The following RNF38 variants were observed in gnomAD, a reference collection of about 807,000 sequenced individuals.
RNF38 encodes E3 ubiquitin-protein ligase RNF38.
In RNF38, 15 loss-of-function variants were observed where a neutral mutation model predicts 67.2. The observed-to-expected ratio is 0.22, with a 90% CI of 0.15 to 0.34. The LOEUF (loss-of-function observed/expected upper bound fraction) is 0.34. RNF38 is among the 10% of genes least tolerant of loss of function. RNF38 has a pLI of 1.00. For missense variants in RNF38, 524 were observed against 639.9 expected (o/e 0.82, Z 1.95); for synonymous variants, 220 against 218.8 (o/e 1.01, Z -0.05).
At chr9:36,411,784 G>A (rs1838332486) in intron 2 of RNF38, among the ~76,000 whole-genome samples, 1 of 151,840 alleles carries the variant, frequency 6.6e-6, no homozygotes, top group African/African-American at 2.4e-5. Context: ...TGGCCAGGCT[G>A]GTTTCAAACT....
intron 2 of RNF38, among the ~76,000 whole-genome samples, chr9:36,383,432 C>T (rs1356193797): frequency 2.0e-5 from 3 of 152,090 alleles, no homozygotes; most frequent in East Asian, 1.9e-4. Context: ...CCTCATGATC[C>T]GCCCACTTCA....
intron 3 of RNF38, among the ~76,000 whole-genome samples, chr9:36,370,322 G>C (rs773802827): frequency 6.6e-6 from 1 of 152,068 alleles, no homozygotes; most frequent in African/African-American, 2.4e-5. Context: ...CCTTGTCAGT[G>C]TTCCTCATAT....
chr9:36,400,937 C>A (rs879588990), upstream of RNF38: 2 of 985,112 alleles, frequency 2.0e-6, no homozygotes, highest in Non-Finnish European at 2.4e-6. Context: ...CCGCCTCACC[C>A]CGCCTCGGCG....
In RNF38 at chr9:36,351,662, G is replaced by A. The variant is rs189712319; in HGVS notation, c.1179-463C>T. ...CGGGGAGAGAGAGGAAGGAAGGAAG[G>A]AAAAACTATGACCACAGTGTGGTAA... On this transcript the variant is annotated intron_variant, in intron 8 of 11. Transcript: ENST00000259605. 3.4e-3 allele frequency among the ~76,000 whole-genome samples: 513 copies of A among 152,154 alleles called. 3 individuals carry two copies. Among genetic ancestry groups the A allele is most frequent in the African/African-American group, 0.011 (475 of 41,530 alleles).
In RNF38 at chr9:36,375,922, T is replaced by C; in HGVS notation, c.356+12A>G. On this transcript the variant is annotated intron_variant, in intron 3 of 11. Coordinates refer to ENST00000259605, the MANE Select transcript of RNF38 (RefSeq NM_022781.5). ...GGAAGAAAACTTAAGAAATAAATTG[T>C]AATCAACTAACCTTCTTCTGTTGCG... is the stretch of plus-strand genomic sequence containing the variant. 2 of 1,586,750 alleles carry C rather than the reference T, an allele frequency of 1.3e-6. No homozygotes were observed. Among genetic ancestry groups the C allele is most frequent in the Non-Finnish European group, 1.7e-6 (2 of 1,170,724 alleles).
In RNF38 at chr9:36,369,845, A is replaced by G; in HGVS notation, c.444T>C (p.Pro148=). ...CCTCTATTGCTTGCTGCTGTGCGTAAGGGAGATGGTGATAGTTTTCATCTT... is the reference window on the plus strand; with the variant it reads ...CCTCTATTGCTTGCTGCTGTGCGTAGGGGAGATGGTGATAGTTTTCATCTT... The part of the protein sequence containing the change: ...ISQDENYHHL[P]YAQQQAIEEP... The change falls in exon 4 of 12, where the codon CCT becomes CCC. Residue 148 remains proline, a synonymous_variant. Coordinates refer to ENST00000259605, the MANE Select transcript of RNF38 (RefSeq NM_022781.5). The G allele has an allele frequency of 6.2e-7, 1 of 1,613,898 alleles. No homozygotes were observed. The highest frequency in any genetic ancestry group is 8.5e-7 in the Non-Finnish European group (1 of 1,180,010).
chr9:36,351,087 C>A, intron 9 of RNF38, 28 bp downstream of exon 9: 1 of 1,464,856 alleles, frequency 6.8e-7, no homozygotes, highest in South Asian at 1.2e-5. Context: ...CAATATTCCC[C>A]AAATTAATTC....
At chr9:36,396,473 A>G (rs943832039) in intron 1 of RNF38, among the ~76,000 whole-genome samples, 1 of 151,944 alleles carries the variant, frequency 6.6e-6, no homozygotes, top group African/African-American at 2.4e-5. Context: ...CTTTGAGAAG[A>G]GTTCTATCAC....
chr9:36,462,847 G>C (rs764720007), intron 1 of RNF38, among the ~76,000 whole-genome samples: 3 of 151,900 alleles, frequency 2.0e-5, no homozygotes, highest in Non-Finnish European at 4.4e-5. Context: ...GCTAATATTT[G>C]TATTTTTAGT....
At chr9:36,348,416 T>C (rs137923948) in intron 9 of RNF38, among the ~76,000 whole-genome samples, 2 of 152,244 alleles carry the variant, frequency 1.3e-5, no homozygotes, top group African/African-American at 2.4e-5. Context: ...GAGGCTGTAC[T>C]GAGCGGAGTT....
rs1045353509 is a variant in RNF38, at chr9:36,409,733, T to C, written n.312+14880A>G. Among the ~76,000 whole-genome samples the C allele has an allele frequency of 6.6e-5, 10 of 152,354 alleles. No homozygotes were observed. The East Asian group carries it at 1.7e-3, about 26-fold the overall frequency. ...TTTAGGATCCTAACACGAATGGTTT[T>C]GCACAGACATATGTGATACACGGTG... On this transcript the variant is annotated intron_variant and non_coding_transcript_variant, in intron 2 of 3. Coordinates refer to the RNF38 transcript ENST00000488058.
intron 1 of RNF38, among the ~76,000 whole-genome samples, chr9:36,466,021 G>C (rs576370231): frequency 4.7e-4 from 71 of 152,228 alleles, no homozygotes; most frequent in Non-Finnish European, 9.0e-4. Context: ...CACTGCACTT[G>C]AGCCTGGGCA....
intron 1 of RNF38, among the ~76,000 whole-genome samples, chr9:36,449,444 CTTTT>C (rs532834295): frequency 2.0e-5 from 3 of 149,632 alleles, no homozygotes; most frequent in African/African-American, 7.3e-5. Context: ...CTTTTTTTTC[CTTTT>C]TTTTTGAGAT....
At chr9:36,347,135 G>C (rs1833304350) in intron 9 of RNF38, among the ~76,000 whole-genome samples, 1 of 10,666 alleles carries the variant, frequency 9.4e-5, no homozygotes, top group Non-Finnish European at 2.5e-4. Flanking sequence ...GGGGGGGGGG[G>C]GGGGGGGGGG....
At chr9:36,427,276 G>T (rs905674776) in intron 1 of RNF38, among the ~76,000 whole-genome samples, 1 of 152,210 alleles carries the variant, frequency 6.6e-6, no homozygotes, top group African/African-American at 2.4e-5. Context: ...AAAAGGGGAA[G>T]AAAGGAAATG....
At chr9:36,374,080 T>C (rs1354904082) in intron 3 of RNF38, among the ~76,000 whole-genome samples, 1 of 152,220 alleles carries the variant, frequency 6.6e-6, no homozygotes, top group Non-Finnish European at 1.5e-5. Flanking sequence ...AACTATACTT[T>C]CTCATGCTTA....
At chr9:36,401,169 ACC>A, upstream of RNF38, 1 of 981,956 alleles carries the variant, frequency 1.0e-6, no homozygotes. Flanking sequence ...CGCGCGCCGA[ACC>A]CCCTTTGTTT....
intron 1 of RNF38, among the ~76,000 whole-genome samples, chr9:36,480,112 G>C (rs181517153): frequency 6.6e-6 from 1 of 152,116 alleles, no homozygotes; most frequent in Non-Finnish European, 1.5e-5. Context: ...CCGAGTAGCT[G>C]GGCCTACAGG....
chr9:36,337,480 T>C lies in RNF38; in HGVS notation c.*2272A>G, dbSNP rs1832537200. 6.6e-6 allele frequency: 1 copy of C among 152,668 alleles called. No homozygotes were observed. Among genetic ancestry groups the C allele is most frequent in the African/African-American group, 2.4e-5 (1 of 41,438 alleles). 9.5% of individuals were successfully genotyped at this position (152,668 alleles called of 1,614,324 possible). On this transcript the variant is annotated 3_prime_UTR_variant, in exon 12 of 12. Transcript: ENST00000259605. Reference sequence around the variant, plus strand: ...AAAAGCTGCTACTCCTAGTCATTAGTACAATGTGCTGTGTTAATTAGATAC... The same window carrying C: ...AAAAGCTGCTACTCCTAGTCATTAGCACAATGTGCTGTGTTAATTAGATAC...
Sources: allele counts gnomAD v4.1 joint callset (sites outside exome capture counted in the v4.1 genomes callset), GRCh38; gene constraint gnomAD v4.1.1; transcripts MANE v1.5; gene names NCBI Gene and HGNC (gene_info 2026-07-23, HGNC 2026-07-21).